DDX46: variants seen among roughly 807,000 people sequenced by gnomAD.
The protein encoded by DDX46 is probable ATP-dependent RNA helicase DDX46.
DDX46 carries 30 observed loss-of-function variants against 134.9 expected under a neutral mutation model. The ratio of observed to expected loss-of-function variants is 0.22; its 90% CI spans 0.17 to 0.30. The LOEUF (loss-of-function observed/expected upper bound fraction) is 0.30, where lower values mean the gene tolerates loss of function less well. Ranked by LOEUF, DDX46 falls within the 10% of genes least tolerant of loss-of-function variation. The pLI, the probability that DDX46 is intolerant of heterozygous loss-of-function variation, is 1.00. For synonymous variants in DDX46, 415 were observed against 404.1 expected (o/e 1.03, Z -0.32); for missense variants, 622 against 1,248.7 (o/e 0.50, Z 7.56).
chr5:134,831,044 CT>C lies in DDX46; in HGVS notation c.*2341del, dbSNP rs980717823. 2.0e-5 allele frequency: 3 copies of C among 152,252 alleles called. No individual in the cohort carries two copies. The highest frequency in any genetic ancestry group is 4.4e-5 in the Non-Finnish European group (3 of 68,008). The allele number at this position is 152,252 out of a possible 1,614,324, so 9.4% of individuals were successfully genotyped here. The stretch of plus-strand genomic sequence containing the variant: ...TTTTAAAATTTGAATGATATATAGA[CT>C]TTGTTTTTTTAATGCAATATGAATA... On this transcript the variant is annotated 3_prime_UTR_variant, in exon 23 of 23. Coordinates refer to ENST00000452510, the MANE Select transcript of DDX46 (RefSeq NM_001300860.2).
intron 20 of DDX46, among the ~76,000 whole-genome samples, chr5:134,818,337 G>T (rs1236019893): frequency 1.3e-5 from 2 of 151,102 alleles, no homozygotes; most frequent in Admixed American, 1.3e-4. Flanking sequence ...CAGGTGATCC[G>T]CCCACCTTAG....
In DDX46 at chr5:134,816,549, T is replaced by C. The variant is rs748923798; in HGVS notation, c.2556T>C (p.Ala852=). Residue 852 remains alanine, a synonymous_variant, in exon 19 of 23, where the codon GCT becomes GCC. Coordinates refer to ENST00000452510, the MANE Select transcript of DDX46 (RefSeq NM_001300860.2). ...GAAATGCTGAGAAATTAGAAATTGC[T>C]AAGAGATTGGCTCTTAGAATCAATG... is the stretch of plus-strand genomic sequence containing the variant. ...TAGNAEKLEI[A]KRLALRINAQ... 1 of 1,614,070 alleles carries C rather than the reference T, an allele frequency of 6.2e-7. No individual in the cohort carries two copies. Among genetic ancestry groups the C allele is most frequent in the Non-Finnish European group, 8.5e-7 (1 of 1,179,992 alleles).
Position 134,763,962 on chromosome 5 carries a change from T to A in DDX46, c.76T>A (p.Ser26Thr). 1 of 1,614,158 alleles carries A rather than the reference T, an allele frequency of 6.2e-7. No individual in the cohort carries two copies. The highest frequency in any genetic ancestry group is 8.5e-7 in the Non-Finnish European group (1 of 1,180,018). ...CTCTGGAAGTCGGTCTAGAAGTCGCTCACCCTCAGACAAAAGAAGTAAACG... is the reference window on the plus strand; with the variant it reads ...CTCTGGAAGTCGGTCTAGAAGTCGCACACCCTCAGACAAAAGAAGTAAACG... ...GRSGSRSRSR[S>T]PSDKRSKRGD... is the part of the protein sequence containing the mutation. Residue 26 changes from serine to threonine, a missense_variant, in exon 2 of 23, where the codon TCA becomes ACA. This residue lies in a region of DDX46 where 244 missense variants were observed against 349.3 expected (regional missense o/e 0.70). Transcript: ENST00000452510.
At chr5:134,798,173 G>A (rs867413097) in intron 15 of DDX46, among the ~76,000 whole-genome samples, 2 of 139,946 alleles carry the variant, frequency 1.4e-5, no homozygotes, top group Admixed American at 7.3e-5. Flanking sequence ...GCCCCCCACC[G>A]TTTTTTTTTT....
intron 11 of DDX46, among the ~76,000 whole-genome samples, chr5:134,785,870 A>G (rs1020489703): frequency 1.3e-5 from 2 of 150,904 alleles, no homozygotes; most frequent in African/African-American, 4.9e-5. Flanking sequence ...CTTTTTTGAG[A>G]TGGAGTCTCG....
Position 134,781,240 on chromosome 5 carries a change from C to A in DDX46, c.873C>A (p.Ala291=). 6.3e-7 allele frequency: 1 copy of A among 1,599,590 alleles called. No individual in the cohort carries two copies. Among genetic ancestry groups the A allele is most frequent in the South Asian group, 1.1e-5 (1 of 87,826 alleles). ...KGELMENDQD[A]MEYSSEEEEV... ...AGCTGATGGAGAATGACCAGGATGC[C>A]ATGGAGGTGATTTTTCTTAATTTTG... The change falls in exon 7 of 23, where the codon GCC becomes GCA. Residue 291 remains alanine, a synonymous_variant. Transcript: ENST00000452510.
Position 134,811,579 on chromosome 5 carries a change from A to G in DDX46, c.2287-117A>G, listed in dbSNP as rs1755142691. 4.2e-6 allele frequency: 5 copies of G among 1,188,578 alleles called. No individual in the cohort carries two copies. The African/African-American group carries it at 4.6e-5, about 11-fold the overall frequency. The allele number at this position is 1,188,578 out of a possible 1,614,324, so 73.6% of individuals were successfully genotyped here. ...GAGCTCTTAGTTTATCTTACATGCT[A>G]GATGAAGTGTTTTTATTACATTGAC... On this transcript the variant is annotated intron_variant, in intron 17 of 22. Transcript: ENST00000452510.
chr5:134,771,984 A>G lies in DDX46; in HGVS notation c.447+985A>G, dbSNP rs370484163. Among the ~76,000 whole-genome samples, 9 of 152,226 alleles carry G rather than the reference A, an allele frequency of 5.9e-5. No homozygotes were observed. The South Asian group carries it at 1.9e-3, about 32-fold the overall frequency. On this transcript the variant is annotated intron_variant, in intron 4 of 22. Transcript: ENST00000452510. ...AGTGGCTCGTGCCTGTAATCTCACC[A>G]CTTTGGGAGGCCAAGGCAGGTGGAT... is the stretch of plus-strand genomic sequence containing the variant.
intron 15 of DDX46, among the ~76,000 whole-genome samples, chr5:134,803,377 G>T (rs1244480433): frequency 6.6e-6 from 1 of 151,956 alleles, no homozygotes; most frequent in Non-Finnish European, 1.5e-5. Flanking sequence ...CAGCCAGATA[G>T]TTGGGCAGCA....
intron 5 of DDX46, among the ~76,000 whole-genome samples, chr5:134,774,128 C>T (rs1016603800): frequency 1.3e-5 from 2 of 152,176 alleles, no homozygotes; most frequent in Non-Finnish European, 2.9e-5. Flanking sequence ...CCTTTTCTCG[C>T]TACTTCTTGT....
intron 10 of DDX46, among the ~76,000 whole-genome samples, chr5:134,785,229 TG>T (rs1754295963): frequency 6.6e-6 from 1 of 152,200 alleles, no homozygotes; most frequent in Non-Finnish European, 1.5e-5. Context: ...GAGGGTTGGA[TG>T]AGGCATTTAA....
At chr5:134,819,851 A>T (rs182392640) in intron 21 of DDX46, among the ~76,000 whole-genome samples, 1 of 151,776 alleles carries the variant, frequency 6.6e-6, no homozygotes, top group African/African-American at 2.4e-5. Flanking sequence ...GTTTTTTCTG[A>T]TGTGTTACTC....
chr5:134,809,422 C>T (rs905324573), intron 16 of DDX46, among the ~76,000 whole-genome samples: 1 of 152,100 alleles, frequency 6.6e-6, no homozygotes, highest in Non-Finnish European at 1.5e-5. Flanking sequence ...GACTGGAGTG[C>T]AGTGGCATGA....
At position 134,783,134 on chromosome 5, in the gene DDX46, C is replaced by G. The variant is rs1754207472; in HGVS notation, c.1166+69C>G. 9.1e-6 allele frequency: 14 copies of G among 1,532,018 alleles called. No individual in the cohort carries two copies. The South Asian group carries it at 1.8e-4, about 19-fold the overall frequency. 94.9% of individuals were successfully genotyped at this position (1,532,018 alleles called of 1,614,324 possible). Reference sequence around the variant, plus strand: ...CAAAATAGTCCTTCCACACCAGTGTCTCCCTGAGTTACATTTTTACTCTAA... The same window carrying G: ...CAAAATAGTCCTTCCACACCAGTGTGTCCCTGAGTTACATTTTTACTCTAA... On this transcript the variant is annotated intron_variant, in intron 9 of 22. Coordinates refer to ENST00000452510, the MANE Select transcript of DDX46 (RefSeq NM_001300860.2).
chr5:134,822,581 C>G (rs1580822436), intron 21 of DDX46, among the ~76,000 whole-genome samples: 1 of 152,048 alleles, frequency 6.6e-6, no homozygotes, highest in Non-Finnish European at 1.5e-5. Context: ...TTCTCTTGTA[C>G]TCCCACATCG....
intron 6 of DDX46, chr5:134,780,872 C>CA (rs149785066): frequency 3.7e-5 from 8 of 218,098 alleles, no homozygotes; most frequent in Non-Finnish European, 6.3e-5. Flanking sequence ...TACTAAAAAA[C>CA]AAAAAAAATT....
chr5:134,808,975 A>G (rs931860703), intron 16 of DDX46, among the ~76,000 whole-genome samples: 6 of 152,194 alleles, frequency 3.9e-5, no homozygotes, highest in Non-Finnish European at 8.8e-5. Context: ...TTTTATCCTT[A>G]AAACGATTTA....
intron 5 of DDX46, among the ~76,000 whole-genome samples, chr5:134,777,317 C>G (rs1255213587): frequency 2.0e-5 from 3 of 152,214 alleles, no homozygotes; most frequent in Admixed American, 6.5e-5. Flanking sequence ...CATAATTAAT[C>G]TTTTGACCCT....
chr5:134,800,762 G>A (rs537401060), intron 15 of DDX46, among the ~76,000 whole-genome samples: 1 of 152,106 alleles, frequency 6.6e-6, no homozygotes, highest in East Asian at 1.9e-4. Flanking sequence ...TGCAACCTCC[G>A]CCTCCCGGGT....
Sources: allele counts gnomAD v4.1 joint callset (sites outside exome capture counted in the v4.1 genomes callset), GRCh38; gene constraint gnomAD v4.1.1; regional missense constraint gnomAD v4.1.1; transcripts MANE v1.5; gene names NCBI Gene and HGNC (gene_info 2026-07-23, HGNC 2026-07-21).